MACO1: variants seen among roughly 807,000 people sequenced by gnomAD.
MACO1 encodes macoilin.
Under a neutral mutation model 78.7 loss-of-function variants are expected in MACO1, and 14 were observed. That is an observed-to-expected ratio of 0.18 (90% CI 0.12 to 0.28). MACO1 has a LOEUF of 0.28. Among genes scored for constraint, MACO1 ranks in the 10% least tolerant of loss-of-function variants. MACO1 has a pLI of 1.00. For synonymous variants in MACO1, 288 were observed against 291.6 expected (o/e 0.99, Z 0.12); for missense variants, 501 against 799.0 (o/e 0.63, Z 4.50).
chr1:25,440,408 A>AGG (rs2042960370), intron 1 of MACO1, among the ~76,000 whole-genome samples: 2 of 150,344 alleles, frequency 1.3e-5, no homozygotes, highest in African/African-American at 4.9e-5. Flanking sequence ...GTTCTGGGAA[A>AGG]AAAAAAAAAA....
intron 6 of MACO1, among the ~76,000 whole-genome samples, chr1:25,472,670 G>A (rs1020021960): frequency 2.0e-5 from 3 of 152,128 alleles, no homozygotes; most frequent in African/African-American, 4.8e-5. Context: ...AGTAGTTTGC[G>A]GAAGAAAATC....
At chr1:25,445,985 T>TC (rs1250055244) in intron 1 of MACO1, among the ~76,000 whole-genome samples, 1 of 152,194 alleles carries the variant, frequency 6.6e-6, no homozygotes, top group Non-Finnish European at 1.5e-5. Context: ...ATATTTTTTT[T>TC]CTGTGTCCTT....
intron 1 of MACO1, among the ~76,000 whole-genome samples, chr1:25,436,138 A>G (rs542088110): frequency 2.0e-5 from 3 of 152,142 alleles, no homozygotes; most frequent in Non-Finnish European, 4.4e-5. Flanking sequence ...ATTGATCTTA[A>G]TGGTAGGTTT....
chr1:25,465,602 G>A (rs180703071), intron 6 of MACO1, among the ~76,000 whole-genome samples: 36 of 152,230 alleles, frequency 2.4e-4, no homozygotes, highest in African/African-American at 8.4e-4. Context: ...TTTTGGTGAG[G>A]TGTCTGTTAA....
rs374511017 is a variant in MACO1 at position 25,484,134 on chromosome 1, A to G, written c.1173A>G (p.Lys391=). The G allele has an allele frequency of 3.1e-6, 5 of 1,611,968 alleles. No homozygotes were observed. In the African/African-American group the frequency reaches 6.7e-5, roughly 22 times the overall value. Residue 391 remains lysine, a synonymous_variant, in exon 7 of 11, where the codon AAA becomes AAG. Coordinates refer to ENST00000374343, the MANE Select transcript of MACO1 (RefSeq NM_018202.6). ...CTCCTAGGCTGGAACAAGACATTAA[A>G]AAGTTAAAGGCTGACCTGCAAGCCA... The part of the protein sequence containing the change: ...DALVRLEQDI[K]KLKADLQASR...
chr1:25,437,782 G>A (rs2042932621), intron 1 of MACO1, among the ~76,000 whole-genome samples: 1 of 152,150 alleles, frequency 6.6e-6, no homozygotes. Context: ...TTAGCTGGGT[G>A]TGGTGTCACA....
rs150178085 is a variant in MACO1, at chr1:25,459,466, T to G, written c.1154+574T>G. On this transcript the variant is annotated intron_variant, in intron 6 of 10. Transcript: ENST00000374343. The stretch of plus-strand genomic sequence containing the variant: ...ACAAAGTTTAATTAGGAATGTTGCT[T>G]TTCTCATTTTAATTAAAAGAATTTT... 3.1e-4 allele frequency among the ~76,000 whole-genome samples: 46 copies of G among 148,718 alleles called. No homozygotes were observed. The East Asian group carries it at 8.0e-3, about 26-fold the overall frequency.
At position 25,477,601 on chromosome 1, in the gene MACO1, G is replaced by A. The variant is rs191053651; in HGVS notation, c.1155-6515G>A. 3.5e-4 allele frequency among the ~76,000 whole-genome samples: 54 copies of A among 152,314 alleles called. 1 individual carries two copies. The Middle Eastern group carries it at 0.02, about 58-fold the overall frequency. On this transcript the variant is annotated intron_variant, in intron 6 of 10. Coordinates refer to ENST00000374343, the MANE Select transcript of MACO1 (RefSeq NM_018202.6). ...ACATATATCTTTAGGTGGTTTTCTG[G>A]AATGGGTATGGGCTGTGACTCATAG... is the stretch of plus-strand genomic sequence containing the variant.
At chr1:25,447,053 T>A (rs556289722) in intron 2 of MACO1, 150 bp downstream of exon 2, 3 of 908,806 alleles carry the variant, frequency 3.3e-6, no homozygotes, top group Admixed American at 5.9e-5. Context: ...TCTAAACCCA[T>A]TGATCAAATA....
chr1:25,432,287 C>T (rs764777715), intron 1 of MACO1, among the ~76,000 whole-genome samples: 24 of 152,140 alleles, frequency 1.6e-4, no homozygotes, highest in Non-Finnish European at 3.1e-4. Flanking sequence ...TGCACATGCT[C>T]TTGTTTACAG....
chr1:25,483,342 C>T (rs528074815), intron 6 of MACO1, among the ~76,000 whole-genome samples: 43 of 152,202 alleles, frequency 2.8e-4, no homozygotes, highest in Non-Finnish European at 5.7e-4. Flanking sequence ...TGAGCCACTG[C>T]GCCTGGCCGA....
chr1:25,460,597 G>C (rs1404219571), intron 6 of MACO1, among the ~76,000 whole-genome samples: 1 of 152,006 alleles, frequency 6.6e-6, no homozygotes, highest in East Asian at 1.9e-4. Flanking sequence ...GTAGAGAGGA[G>C]ATCTCGCCAT....
intron 10 of MACO1, among the ~76,000 whole-genome samples, chr1:25,493,727 CTTTTTTTTTT>C (rs1189775109): frequency 3.3e-5 from 3 of 92,058 alleles, no homozygotes; most frequent in East Asian, 3.4e-4. Flanking sequence ...TAGTTTGATT[CTTTTTTTTTT>C]TTTTTTTTTT....
chr1:25,494,211 G>A (rs2124614513), intron 10 of MACO1, among the ~76,000 whole-genome samples: 1 of 152,292 alleles, frequency 6.6e-6, no homozygotes, highest in East Asian at 1.9e-4. Flanking sequence ...GAGAATTGCT[G>A]ACCTAGGGTG....
intron 6 of MACO1, among the ~76,000 whole-genome samples, chr1:25,468,910 GC>G (rs2043242531): frequency 6.6e-6 from 1 of 152,098 alleles, no homozygotes; most frequent in African/African-American, 2.4e-5. Context: ...GTGCAGTGGC[GC>G]CATCTGGGAA....
In MACO1 at chr1:25,491,412, G is replaced by T; in HGVS notation, c.1620G>T (p.Glu540Asp). The part of the protein sequence containing the change: ...QIRELELKVQ[E>D]LRKYKENEKD... The stretch of plus-strand genomic sequence containing the variant: ...TGCTGTTTTGATGATATTGATAGGA[G>T]CTTCGGAAATATAAGGAAAATGAGA... The change falls in exon 10 of 11, where the codon GAG becomes GAT. Residue 540 changes from glutamate (E) to aspartate (D), a missense_variant and splice_region_variant. Glu to Asp is a conservative substitution (Grantham distance 45). Around this residue, in one of 5 missense-constraint regions of MACO1, gnomAD observed 163 missense variants for 271.9 expected, o/e 0.60. Transcript: ENST00000374343. The T allele has an allele frequency of 6.2e-7, 1 of 1,614,144 alleles. No homozygotes were observed. Among genetic ancestry groups the T allele is most frequent in the African/African-American group, 1.3e-5 (1 of 75,042 alleles).
At chr1:25,491,839 G>A (rs904289266) in intron 10 of MACO1, among the ~76,000 whole-genome samples, 2 of 152,260 alleles carry the variant, frequency 1.3e-5, no homozygotes, top group Non-Finnish European at 2.9e-5. Flanking sequence ...TCACAGTGTT[G>A]TTGAAGAAGT....
intron 6 of MACO1, among the ~76,000 whole-genome samples, chr1:25,472,216 G>A (rs1315003588): frequency 2.6e-5 from 4 of 151,956 alleles, no homozygotes; most frequent in African/African-American, 9.7e-5. Context: ...ATTATACTTT[G>A]AGTTCTGGGA....
chr1:25,446,930 T>C lies in MACO1; in HGVS notation c.222+27T>C, dbSNP rs766749367. 4 of 1,604,852 alleles carry C rather than the reference T, an allele frequency of 2.5e-6. No homozygotes were observed. In the South Asian group the frequency reaches 3.3e-5, roughly 13 times the overall value. ...TATGTCTGGTAATACATGTTTTCCA[T>C]GTGTGGGGACCATTCAGCTGTTTAG... On this transcript the variant is annotated intron_variant, in intron 2 of 10. Transcript: ENST00000374343.
Sources: allele counts gnomAD v4.1 joint callset (sites outside exome capture counted in the v4.1 genomes callset), GRCh38; gene constraint gnomAD v4.1.1; regional missense constraint gnomAD v4.1.1; transcripts MANE v1.5; gene names NCBI Gene and HGNC (gene_info 2026-07-23, HGNC 2026-07-21).